Variants in SHANK2 observed in about 807,000 individuals in gnomAD.
The protein encoded by SHANK2 is SH3 and multiple ankyrin repeat domains protein 2.
A neutral mutation model predicts 133.7 loss-of-function variants in SHANK2; 43 were observed. The ratio of observed to expected loss-of-function variants is 0.32; its 90% CI spans 0.25 to 0.41. The LOEUF (loss-of-function observed/expected upper bound fraction) is 0.41. Among genes scored for constraint, SHANK2 ranks in the 10% least tolerant of loss-of-function variants. SHANK2 has a pLI of 1.00. For missense variants in SHANK2, 1,994 were observed against 2,235.8 expected, an observed-to-expected ratio of 0.89 and a Z score of 2.18; for synonymous variants, 1,017 against 952.8, an observed-to-expected ratio of 1.07 and a Z score of -1.24.
chr11:71,242,356 C>T (rs1276866327), intron 1 of SHANK2, among the ~76,000 whole-genome samples: 2 of 152,192 alleles, frequency 1.3e-5, no homozygotes, highest in Non-Finnish European at 2.9e-5. Flanking sequence ...CAGAACTACA[C>T]ACCTAAAAAT....
At chr11:71,065,619 G>T (rs1177928408) in intron 9 of SHANK2, among the ~76,000 whole-genome samples, 6 of 138,640 alleles carry the variant, frequency 4.3e-5, no homozygotes, top group African/African-American at 1.7e-4. Flanking sequence ...ACGTTGCAGG[G>T]GGGTGTGTGC....
rs1366453049 is a variant in SHANK2, at chr11:70,510,598, G to T, written c.2062-7667C>A. 3.9e-5 allele frequency among the ~76,000 whole-genome samples: 6 copies of T among 152,220 alleles called. No individual in the cohort carries two copies. In the East Asian group the frequency reaches 1.2e-3, roughly 29 times the overall value. ...TGTGAGGCCTCTGGATACAGATCCT[G>T]TCCCTCCTTTCCCTGCTCCTCCTCT... On this transcript the variant is annotated intron_variant, in intron 17 of 25. Transcript: ENST00000601538.
At chr11:70,749,363 G>A (rs1946710506) in intron 14 of SHANK2, among the ~76,000 whole-genome samples, 1 of 152,212 alleles carries the variant, frequency 6.6e-6, no homozygotes, top group Non-Finnish European at 1.5e-5. Flanking sequence ...AGTGATCTGA[G>A]ACTTTAACCA....
intron 15 of SHANK2, chr11:70,669,215 A>G (rs2134317798): frequency 6.6e-6 from 1 of 152,372 alleles, no homozygotes; most frequent in Admixed American, 6.5e-5. Context: ...CCTGCCTAGA[A>G]GCCCTGGCTG....
chr11:70,766,581 A>C (rs1035226644), intron 14 of SHANK2, among the ~76,000 whole-genome samples: 1 of 152,170 alleles, frequency 6.6e-6, no homozygotes, highest in Non-Finnish European at 1.5e-5. Flanking sequence ...AAGTCACTAA[A>C]ATAGTTTCCA....
At chr11:70,854,554 A>G (rs1555066450) in intron 11 of SHANK2, among the ~76,000 whole-genome samples, 1 of 152,212 alleles carries the variant, frequency 6.6e-6, no homozygotes, top group Admixed American at 6.5e-5. Flanking sequence ...GAGAGGGACC[A>G]AGGTCCAGAG....
At chr11:70,875,560 C>CAAA (rs1555071040) in intron 11 of SHANK2, among the ~76,000 whole-genome samples, 1 of 150,498 alleles carries the variant, frequency 6.6e-6, no homozygotes, top group African/African-American at 2.4e-5. Flanking sequence ...ACAACAACAA[C>CAAA]AAATATTGCA....
chr11:70,518,968 G>C (rs1001969778), intron 17 of SHANK2, among the ~76,000 whole-genome samples: 1 of 152,132 alleles, frequency 6.6e-6, no homozygotes, highest in Admixed American at 6.5e-5. Context: ...GGAGTGCAGC[G>C]GCATGATCTT....
At chr11:70,567,881 G>C (rs1565136778) in intron 17 of SHANK2, among the ~76,000 whole-genome samples, 3 of 152,228 alleles carry the variant, frequency 2.0e-5, no homozygotes, top group Non-Finnish European at 4.4e-5. Context: ...AATAGCTGCA[G>C]GGCTGGGAGG....
chr11:71,204,353 G>A (rs782475449), intron 2 of SHANK2, among the ~76,000 whole-genome samples: 8 of 152,162 alleles, frequency 5.3e-5, no homozygotes, highest in Non-Finnish European at 7.4e-5. Context: ...CTGATGGTGC[G>A]GCTTGGTAGG....
At chr11:71,064,918 A>T (rs1951029786) in intron 9 of SHANK2, among the ~76,000 whole-genome samples, 1 of 152,148 alleles carries the variant, frequency 6.6e-6, no homozygotes, top group African/African-American at 2.4e-5. Context: ...GTGAGCTGGG[A>T]GACTCCGACT....
chr11:70,673,041 C>T (rs1451685933), intron 15 of SHANK2, among the ~76,000 whole-genome samples: 1 of 152,222 alleles, frequency 6.6e-6, no homozygotes, highest in Non-Finnish European at 1.5e-5. Flanking sequence ...GAGCTGGGAC[C>T]TCCTATGTGG....
intron 2 of SHANK2, among the ~76,000 whole-genome samples, chr11:71,221,026 C>T (rs188207075): frequency 6.6e-6 from 1 of 151,942 alleles, no homozygotes; most frequent in South Asian, 2.1e-4. Flanking sequence ...CATGGTGAAA[C>T]CCTGTCTCTA....
chr11:70,552,075 A>G (rs1261860130), intron 17 of SHANK2, among the ~76,000 whole-genome samples: 1 of 152,238 alleles, frequency 6.6e-6, no homozygotes, highest in East Asian at 1.9e-4. Context: ...ACCCAAGACC[A>G]CGTTTACCAG....
intron 3 of SHANK2, among the ~76,000 whole-genome samples, chr11:71,142,468 T>G (rs1272650259): frequency 6.6e-6 from 1 of 151,844 alleles, no homozygotes; most frequent in African/African-American, 2.4e-5. Context: ...ACCACTGCAC[T>G]CCAGCCTGGG....
chr11:70,524,440 G>A (rs1339273036), intron 17 of SHANK2, among the ~76,000 whole-genome samples: 2 of 152,202 alleles, frequency 1.3e-5, no homozygotes, highest in Admixed American at 6.5e-5. Context: ...GGAGCAAATC[G>A]GTACAACCCC....
chr11:70,509,789 G>A (rs2059178837), intron 17 of SHANK2, among the ~76,000 whole-genome samples: 1 of 152,240 alleles, frequency 6.6e-6, no homozygotes. Context: ...AAGGGACCCT[G>A]GAGCAACCCT....
At chr11:71,244,307 C>G (rs1225630929) in intron 1 of SHANK2, among the ~76,000 whole-genome samples, 1 of 152,240 alleles carries the variant, frequency 6.6e-6, no homozygotes, top group African/African-American at 2.4e-5. Flanking sequence ...CTGTCTGAAG[C>G]CCCTGACTAA....
At chr11:71,147,968 TC>T (rs138806387) in intron 2 of SHANK2, among the ~76,000 whole-genome samples, 6,395 of 151,992 alleles carry the variant, frequency 0.042, 243 homozygotes, top group African/African-American at 0.1. Context: ...GACTTGGGGG[TC>T]CCCAAGAGGC....
Sources: allele counts gnomAD v4.1 joint callset (sites outside exome capture counted in the v4.1 genomes callset), GRCh38; gene constraint gnomAD v4.1.1; transcripts MANE v1.5; gene names NCBI Gene and HGNC (gene_info 2026-07-23, HGNC 2026-07-21).